The following RAB43 variants were observed in gnomAD, a reference collection of about 807,000 sequenced individuals.
The protein encoded by RAB43 is RAB43, member RAS oncogene family.
Under a neutral mutation model 18.8 loss-of-function variants are expected in RAB43, and 6 were observed. The observed-to-expected ratio is 0.32, with a 90% CI of 0.17 to 0.63. The LOEUF is 0.63. Among genes scored for constraint, RAB43 ranks in the 30% least tolerant of loss-of-function variants. RAB43 has a pLI of 0.79. For synonymous variants in RAB43, 103 were observed against 124.1 expected, an observed-to-expected ratio of 0.83 and a Z score of 1.13; for missense variants, 195 against 289.1, an observed-to-expected ratio of 0.67 and a Z score of 2.36.
chr3:129,093,196 G>T lies in RAB43; in HGVS notation c.388+1790C>A, dbSNP rs188427488. Among the ~76,000 whole-genome samples, 1,094 of 151,214 alleles carry T rather than the reference G, an allele frequency of 7.2e-3. 6 individuals carry two copies. Among genetic ancestry groups the T allele is most frequent in the African/African-American group, 0.02 (826 of 41,362 alleles). ...AGTAGAGATGGGGTTTCACCATGTT[G>T]CCCAGGCTGGTCTTGAACTCCTGAA... On this transcript the variant is annotated intron_variant, in intron 2 of 2. Coordinates refer to ENST00000315150, the MANE Select transcript of RAB43 (RefSeq NM_198490.3).
At chr3:129,110,408 C>A (rs987591473) in intron 1 of RAB43, among the ~76,000 whole-genome samples, 1 of 152,138 alleles carries the variant, frequency 6.6e-6, no homozygotes, top group Admixed American at 6.5e-5. Context: ...ATACCTAAGA[C>A]AAAGTCCATG....
chr3:129,111,895 A>G (rs1935193985), intron 1 of RAB43, among the ~76,000 whole-genome samples: 2 of 152,172 alleles, frequency 1.3e-5, no homozygotes, highest in Admixed American at 6.6e-5. Context: ...CTCTGACACT[A>G]AGATCCATTT....
At chr3:129,104,351 T>C (rs1343026359) in intron 1 of RAB43, among the ~76,000 whole-genome samples, 7 of 152,154 alleles carry the variant, frequency 4.6e-5, no homozygotes, top group Non-Finnish European at 7.3e-5. Flanking sequence ...CTGTAAACTG[T>C]GAATGAGCTC....
At chr3:129,096,882 G>A (rs1187446761) in intron 1 of RAB43, among the ~76,000 whole-genome samples, 1 of 152,176 alleles carries the variant, frequency 6.6e-6, no homozygotes, top group Non-Finnish European at 1.5e-5. Flanking sequence ...GGAGGCCAAG[G>A]CAGAAGGATC....
intron 1 of RAB43, among the ~76,000 whole-genome samples, chr3:129,104,553 C>T (rs1012372120): frequency 3.3e-5 from 5 of 152,240 alleles, no homozygotes; most frequent in African/African-American, 1.2e-4. Flanking sequence ...CCCCTCCTCT[C>T]CCACTCAGCA....
At chr3:129,114,972 C>T (rs1474369254) in intron 1 of RAB43, among the ~76,000 whole-genome samples, 1 of 151,920 alleles carries the variant, frequency 6.6e-6, no homozygotes, top group Non-Finnish European at 1.5e-5. Context: ...GCTTCCTGAC[C>T]CCCACCCCCC....
chr3:129,101,204 C>T (rs979780256), intron 1 of RAB43, among the ~76,000 whole-genome samples: 3 of 152,124 alleles, frequency 2.0e-5, no homozygotes, highest in East Asian at 1.9e-4. Flanking sequence ...TAAATGCATC[C>T]GTTTAACAAT....
At chr3:129,111,509 CAAAAAAAAAAAA>C (rs59684183) in intron 1 of RAB43, among the ~76,000 whole-genome samples, 1 of 68,620 alleles carries the variant, frequency 1.5e-5, no homozygotes, top group African/African-American at 5.2e-5. Flanking sequence ...GACTCTGTCT[CAAAAAAAAAAAA>C]AAAAAAAAAA....
At chr3:129,120,941 G>T (rs913658099) in intron 1 of RAB43, among the ~76,000 whole-genome samples, 1 of 152,266 alleles carries the variant, frequency 6.6e-6, no homozygotes. Context: ...ACTCCAAGGC[G>T]CTCCGCTAGT....
chr3:129,119,421 A>C (rs1935763050), intron 1 of RAB43, among the ~76,000 whole-genome samples: 1 of 152,072 alleles, frequency 6.6e-6, no homozygotes, highest in Non-Finnish European at 1.5e-5. Context: ...TGGGGGAGAA[A>C]TCTGCTTTGG....
At chr3:129,101,483 T>C (rs1023700443) in intron 1 of RAB43, among the ~76,000 whole-genome samples, 1 of 152,170 alleles carries the variant, frequency 6.6e-6, no homozygotes, top group Non-Finnish European at 1.5e-5. Flanking sequence ...AAGGTGATCA[T>C]GAGCACGCTA....
At chr3:129,099,572 G>C (rs1422572605) in intron 1 of RAB43, among the ~76,000 whole-genome samples, 1 of 151,984 alleles carries the variant, frequency 6.6e-6, no homozygotes, top group African/African-American at 2.4e-5. Context: ...TTTTGGTAGA[G>C]ACAGGGTTTC....
rs957702194 is a variant in RAB43 at position 129,121,077 on chromosome 3, C to T, written c.204+209G>A. 5.4e-4 allele frequency among the ~76,000 whole-genome samples: 80 copies of T among 148,702 alleles called. 2 individuals carry two copies. The highest frequency in any genetic ancestry group is 5.9e-4 in the Non-Finnish European group (39 of 66,534). ...TCCTCCACACTCCCTCGCCCCCCCC[C>T]CCCCCAGCAACCCACGGCCGGCGCT... On this transcript the variant is annotated intron_variant, in intron 1 of 2. Transcript: ENST00000315150.
At position 129,091,194 on chromosome 3, in the gene RAB43, T is replaced by G; in HGVS notation, c.541A>C (p.Ile181Leu). The G allele has an allele frequency of 6.3e-7, 1 of 1,582,052 alleles. No homozygotes were observed. Among genetic ancestry groups the G allele is most frequent in the South Asian group, 1.1e-5 (1 of 88,706 alleles). ...AACAAGGGGCCCCCGTGCCGCATGA[T>G]GAGCTCCGTGGCCACCCTCAGGAAG... Reference protein sequence around the residue: ...EAFLRVATELIMRHGGPLFSE... With the variant: ...EAFLRVATELLMRHGGPLFSE... The change falls in exon 3 of 3, where the codon ATC becomes CTC. Residue 181 changes from isoleucine to leucine, a missense_variant. Coordinates refer to ENST00000315150, the MANE Select transcript of RAB43 (RefSeq NM_198490.3).
chr3:129,111,295 G>A lies in RAB43; in HGVS notation c.204+9991C>T, dbSNP rs534229658. Among the ~76,000 whole-genome samples the A allele has an allele frequency of 1.6e-4, 25 of 152,010 alleles. No homozygotes were observed. The South Asian group carries it at 3.1e-3, about 19-fold the overall frequency. ...TTTGGGAGGCCGAGGTGGGCAGATC[G>A]CTTAAGGTCAGGAGTTTGAGACCAG... is the stretch of plus-strand genomic sequence containing the variant. On this transcript the variant is annotated intron_variant, in intron 1 of 2. Coordinates refer to ENST00000315150, the MANE Select transcript of RAB43 (RefSeq NM_198490.3).
At chr3:129,100,363 G>A (rs1437986029) in intron 1 of RAB43, among the ~76,000 whole-genome samples, 1 of 152,196 alleles carries the variant, frequency 6.6e-6, no homozygotes, top group East Asian at 1.9e-4. Context: ...AAGCTGCCCT[G>A]CAAGAAATGC....
chr3:129,114,732 T>C (rs957647811), intron 1 of RAB43, among the ~76,000 whole-genome samples: 7 of 152,106 alleles, frequency 4.6e-5, no homozygotes, highest in Non-Finnish European at 8.8e-5. Flanking sequence ...AAAGCAGACA[T>C]GTGGATATCC....
At chr3:129,104,559 C>G (rs1934631634) in intron 1 of RAB43, among the ~76,000 whole-genome samples, 1 of 152,228 alleles carries the variant, frequency 6.6e-6, no homozygotes, top group Non-Finnish European at 1.5e-5. Context: ...CTCTCCCACT[C>G]AGCAAGGGTT....
chr3:129,113,540 G>A (rs1416931671), intron 1 of RAB43, among the ~76,000 whole-genome samples: 4 of 152,192 alleles, frequency 2.6e-5, no homozygotes, highest in Admixed American at 6.5e-5. Flanking sequence ...GGTCATTCAC[G>A]AGCACAGGTG....
Sources: gnomAD v4.1 joint callset for allele counts (sites outside exome capture counted in the v4.1 genomes callset) on GRCh38, gnomAD v4.1.1 for gene constraint, MANE v1.5 for transcripts, NCBI Gene and HGNC (gene_info 2026-07-23, HGNC 2026-07-21) for gene names.